WHRN: variants seen among roughly 807,000 people sequenced by gnomAD.
WHRN encodes CASK-interacting protein CIP98.
WHRN carries 41 observed loss-of-function variants against 68.3 expected under a neutral mutation model. The observed-to-expected ratio is 0.60, with a 90% CI of 0.47 to 0.78. WHRN has a LOEUF of 0.78. Ranked by LOEUF, WHRN falls within the 30% of genes least tolerant of loss-of-function variation. The pLI is 0.00. For synonymous variants in WHRN, 560 were observed against 561.3 expected (o/e 1.00, Z 0.03); for missense variants, 1,243 against 1,244.7 (o/e 1.00, Z 0.02).
intron 3 of WHRN, among the ~76,000 whole-genome samples, chr9:114,452,966 T>C (rs1481727835): frequency 2.0e-5 from 3 of 152,230 alleles, no homozygotes; most frequent in African/African-American, 7.2e-5. Flanking sequence ...CTGATGCTTC[T>C]GCTGGGAGGC....
chr9:114,491,778 C>CT, intron 1 of WHRN: 1 of 269,424 alleles, frequency 3.7e-6, no homozygotes, highest in Non-Finnish European at 7.7e-6. Flanking sequence ...CGCCCTTTGC[C>CT]TGAGTGCCTG....
chr9:114,488,760 T>TAGC (rs1300940669), intron 1 of WHRN, among the ~76,000 whole-genome samples: 3 of 152,172 alleles, frequency 2.0e-5, no homozygotes, highest in African/African-American at 7.2e-5. Flanking sequence ...AAACCCTAAT[T>TAGC]AGCACTCTGT....
At chr9:114,424,963 G>T in intron 5 of WHRN, 25 bp downstream of exon 5, 1 of 1,612,834 alleles carries the variant, frequency 6.2e-7, no homozygotes, top group South Asian at 1.1e-5. Flanking sequence ...AGGAAGCAGA[G>T]AATACCCCTT....
At chr9:114,425,363 C>T (rs1171430941) in intron 4 of WHRN, 2 of 593,492 alleles carry the variant, frequency 3.4e-6, no homozygotes, top group Non-Finnish European at 6.0e-6. Context: ...GTCAGGCCAA[C>T]CCTCAGGAGC....
intron 1 of WHRN, among the ~76,000 whole-genome samples, chr9:114,483,402 C>T (rs1381618593): frequency 6.6e-6 from 1 of 152,208 alleles, no homozygotes; most frequent in Non-Finnish European, 1.5e-5. Context: ...TCCATTTCTA[C>T]AAACCATTGC....
chr9:114,486,631 C>T (rs10982241), intron 1 of WHRN, among the ~76,000 whole-genome samples: 1 of 151,984 alleles, frequency 6.6e-6, no homozygotes, highest in Non-Finnish European at 1.5e-5. Context: ...GTCCACACTT[C>T]TCCACTTTAA....
At chr9:114,450,099 C>T (rs1353478306) in intron 3 of WHRN, among the ~76,000 whole-genome samples, 2 of 151,970 alleles carry the variant, frequency 1.3e-5, no homozygotes, top group East Asian at 3.9e-4. Flanking sequence ...TAGGCACTCC[C>T]GAGGGCATGG....
chr9:114,448,060 C>T (rs1390065303), intron 3 of WHRN, among the ~76,000 whole-genome samples: 1 of 152,098 alleles, frequency 6.6e-6, no homozygotes, highest in Non-Finnish European at 1.5e-5. Context: ...AATTGTGTTC[C>T]CCCAAAAATA....
chr9:114,477,718 C>T (rs1415340044), intron 2 of WHRN, among the ~76,000 whole-genome samples: 3 of 152,292 alleles, frequency 2.0e-5, no homozygotes, highest in South Asian at 4.2e-4. Context: ...CTGAGATTCT[C>T]GGCTTCAATT....
In WHRN at chr9:114,423,403, C is replaced by T; in HGVS notation, c.1537G>A (p.Ala513Thr). 1 of 1,614,092 alleles carries T rather than the reference C, an allele frequency of 6.2e-7. No individual in the cohort carries two copies. Among genetic ancestry groups the T allele is most frequent in the African/African-American group, 1.3e-5 (1 of 75,012 alleles). ...MKARQPPGPG[A>T]GDTYSMVSYS... ...GAGACCATGGAGTAGGTGTCCCCAGCCCCGGGGCCTGGGGGCTGCCGCGCC... is the reference window on the plus strand; with the variant it reads ...GAGACCATGGAGTAGGTGTCCCCAGTCCCGGGGCCTGGGGGCTGCCGCGCC... Residue 513 changes from alanine (A) to threonine (T), a missense_variant, in exon 7 of 12, where the codon GCT (alanine) becomes ACT (threonine). Coordinates refer to ENST00000362057, the MANE Select transcript of WHRN (RefSeq NM_015404.4).
intron 2 of WHRN, among the ~76,000 whole-genome samples, chr9:114,477,138 A>G (rs1841718972): frequency 1.3e-5 from 2 of 152,146 alleles, no homozygotes; most frequent in South Asian, 2.1e-4. Flanking sequence ...CTCACCTCCA[A>G]TAGAAGCTGC....
intron 1 of WHRN, among the ~76,000 whole-genome samples, chr9:114,480,141 T>A (rs910292955): frequency 6.6e-6 from 1 of 152,126 alleles, no homozygotes; most frequent in Non-Finnish European, 1.5e-5. Context: ...AACACCATCT[T>A]TATTGTACAT....
intron 1 of WHRN, among the ~76,000 whole-genome samples, chr9:114,498,635 T>A (rs1309739002): frequency 1.3e-5 from 2 of 152,120 alleles, no homozygotes; most frequent in Non-Finnish European, 2.9e-5. Context: ...TAAGGTGAAG[T>A]CTCTGGGTGG....
chr9:114,476,423 C>T (rs1841655750), intron 2 of WHRN, among the ~76,000 whole-genome samples: 1 of 152,030 alleles, frequency 6.6e-6, no homozygotes, highest in Non-Finnish European at 1.5e-5. Context: ...CCCCGAATGG[C>T]ACATGGCAGC....
chr9:114,446,296 C>G (rs1053564495), intron 3 of WHRN, among the ~76,000 whole-genome samples: 1 of 152,062 alleles, frequency 6.6e-6, no homozygotes, highest in Admixed American at 6.5e-5. Context: ...ATAGGCGTAT[C>G]TAGAGAGACA....
chr9:114,466,249 C>T lies in WHRN; in HGVS notation c.963+18G>A, dbSNP rs1342144023. The stretch of plus-strand genomic sequence containing the variant: ...AGCTCCATGCACAGAGTTTTCCCTC[C>T]CTCAGGCCCTCCCTCACCTTGAGCC... On this transcript the variant is annotated intron_variant, in intron 3 of 11. Transcript: ENST00000362057. 1.2e-6 allele frequency: 2 copies of T among 1,613,606 alleles called. No individual in the cohort carries two copies. Among genetic ancestry groups the T allele is most frequent in the African/African-American group, 2.7e-5 (2 of 74,924 alleles).
intron 3 of WHRN, among the ~76,000 whole-genome samples, chr9:114,436,850 A>G (rs1837902469): frequency 6.6e-6 from 1 of 152,030 alleles, no homozygotes; most frequent in Admixed American, 6.5e-5. Context: ...TAAATAAAAT[A>G]AATAAATCAA....
At chr9:114,472,491 G>A (rs1238275769) in intron 2 of WHRN, among the ~76,000 whole-genome samples, 1 of 152,124 alleles carries the variant, frequency 6.6e-6, no homozygotes, top group Non-Finnish European at 1.5e-5. Flanking sequence ...TTCTTAGTGA[G>A]GCCGTCCCTG....
At chr9:114,409,448 G>C (rs893603174) in intron 7 of WHRN, among the ~76,000 whole-genome samples, 2 of 152,216 alleles carry the variant, frequency 1.3e-5, no homozygotes, top group Non-Finnish European at 2.9e-5. Context: ...GAGCAAAGAA[G>C]GGAACGATAG....
Sources: gnomAD v4.1 joint callset for allele counts (sites outside exome capture counted in the v4.1 genomes callset) on GRCh38, gnomAD v4.1.1 for gene constraint, MANE v1.5 for transcripts, NCBI Gene and HGNC (gene_info 2026-07-23, HGNC 2026-07-21) for gene names.